SPATA13: variants seen among roughly 807,000 people sequenced by gnomAD.
SPATA13 encodes spermatogenesis-associated protein 13.
SPATA13 carries 50 observed loss-of-function variants against 104.0 expected under a neutral mutation model. The observed-to-expected ratio is 0.48, with a 90% CI of 0.38 to 0.61. The LOEUF is 0.61. Among genes scored for constraint, SPATA13 ranks in the 20% least tolerant of loss-of-function variants. The pLI is 0.00. For synonymous variants in SPATA13, 606 were observed against 667.5 expected, an observed-to-expected ratio of 0.91 and a Z score of 1.42; for missense variants, 1,524 against 1,690.6, an observed-to-expected ratio of 0.90 and a Z score of 1.73.
At chr13:24,113,843 C>T (rs904784286) in intron 3 of SPATA13, among the ~76,000 whole-genome samples, 1 of 131,630 alleles carries the variant, frequency 7.6e-6, no homozygotes, top group African/African-American at 3.0e-5. Flanking sequence ...ACACTCCAGT[C>T]TGGCGACAGA....
intron 2 of SPATA13, among the ~76,000 whole-genome samples, chr13:23,987,628 G>A (rs544254892): frequency 3.3e-5 from 5 of 152,236 alleles, no homozygotes; most frequent in Non-Finnish European, 5.9e-5. Context: ...TAAAAGCCCC[G>A]GATTTGAAAA....
chr13:24,065,076 T>C (rs1878903735), intron 3 of SPATA13, among the ~76,000 whole-genome samples: 1 of 152,220 alleles, frequency 6.6e-6, no homozygotes, highest in South Asian at 2.1e-4. Context: ...ACAACATTTA[T>C]AGTCTCAATG....
chr13:24,271,052 CTCTCTCACTCTCTCTCTT>C, intron 4 of SPATA13: 5 of 686,602 alleles, frequency 7.3e-6, no homozygotes, highest in South Asian at 1.6e-5. Context: ...CTCTCTCTCT[CTCTCTCACTCTCTCTCTT>C]TCTCTGCTGC....
At chr13:24,222,715 C>A in intron 1 of SPATA13, 104 bp from the exon 2 acceptor site, 1 of 973,188 alleles carries the variant, frequency 1.0e-6, no homozygotes, top group Non-Finnish European at 1.5e-6. Context: ...TTTGAAGTAG[C>A]TTTCATCTGA....
intron 3 of SPATA13, among the ~76,000 whole-genome samples, chr13:24,068,552 A>G (rs547122386): frequency 2.0e-5 from 3 of 152,220 alleles, no homozygotes; most frequent in Non-Finnish European, 4.4e-5. Flanking sequence ...AAGAATCACC[A>G]CACTGTCTTA....
intron 1 of SPATA13, among the ~76,000 whole-genome samples, chr13:24,202,274 C>CCTTTGAGCCATCCCATTACTGGGTATA (rs1555268730): frequency 6.6e-6 from 1 of 152,094 alleles, no homozygotes; most frequent in Non-Finnish European, 1.5e-5. Flanking sequence ...GAATCCTGGG[C>CCTTTGAGCCATCCCATTACTGGGTATA]TATGGAAGAG....
intron 3 of SPATA13, among the ~76,000 whole-genome samples, chr13:24,066,654 T>C (rs775959391): frequency 9.2e-5 from 14 of 152,298 alleles, no homozygotes; most frequent in African/African-American, 3.4e-4. Context: ...CCTGCCTTCA[T>C]GGGCCAGGAG....
At chr13:24,060,770 T>C (rs1045667869) in intron 3 of SPATA13, among the ~76,000 whole-genome samples, 2 of 152,124 alleles carry the variant, frequency 1.3e-5, no homozygotes, top group Non-Finnish European at 2.9e-5. Context: ...CCATTAAAAA[T>C]GGACAAATGC....
At chr13:24,098,807 G>A (rs1214703753) in intron 3 of SPATA13, among the ~76,000 whole-genome samples, 3 of 150,888 alleles carry the variant, frequency 2.0e-5, no homozygotes, top group Non-Finnish European at 3.0e-5. Context: ...CGTGCATGTA[G>A]TCCTAGCTAC....
chr13:24,278,877 C>CTTCT, intron 4 of SPATA13: 1 of 444,266 alleles, frequency 2.3e-6, no homozygotes, highest in Non-Finnish European at 2.9e-6. Context: ...TTTTTCTTTC[C>CTTCT]TTCCTTCCTT....
chr13:24,087,509 A>T (rs972197600), intron 3 of SPATA13, among the ~76,000 whole-genome samples: 4 of 152,242 alleles, frequency 2.6e-5, no homozygotes, highest in Non-Finnish European at 4.4e-5. Flanking sequence ...TGCAACGTTA[A>T]TAGAACCTAA....
intron 3 of SPATA13, among the ~76,000 whole-genome samples, chr13:24,114,750 C>T (rs1880779639): frequency 6.6e-6 from 1 of 152,156 alleles, no homozygotes. Context: ...ACAACTTCCA[C>T]CTCCCGGGTT....
rs565858739 is a variant in SPATA13, at chr13:24,223,312, G to C, written c.383G>C (p.Arg128Pro). ...TCAGTCCTGAAAGGAATTCAGAGCC[G>C]AGAGGGGTCAAATGCCTGTTCAAAG... ...KSSVLKGIQSREGSNACSKGE... is the reference protein window; with the variant it reads ...KSSVLKGIQSPEGSNACSKGE... Residue 128 changes from arginine (R) to proline (P), a missense_variant, in exon 2 of 13, where the codon CGA becomes CCA. This residue lies in a region of SPATA13 where 1,089 missense variants were observed against 1,135.9 expected (regional missense o/e 0.96). Coordinates refer to ENST00000382108, the MANE Select transcript of SPATA13 (RefSeq NM_001166271.3). The C allele has an allele frequency of 1.3e-6, 2 of 1,551,522 alleles. No homozygotes were observed. The highest frequency in any genetic ancestry group is 2.4e-5 in the South Asian group (2 of 84,068).
At chr13:24,281,251 C>G (rs1048546144) in intron 4 of SPATA13, among the ~76,000 whole-genome samples, 9 of 152,244 alleles carry the variant, frequency 5.9e-5, no homozygotes, top group Non-Finnish European at 1.3e-4. Context: ...CCCCCTCCAA[C>G]CCCGTCTCTT....
chr13:24,258,512 CA>C (rs879679347), intron 4 of SPATA13, among the ~76,000 whole-genome samples: 28 of 151,626 alleles, frequency 1.8e-4, no homozygotes, highest in African/African-American at 3.9e-4. Context: ...ACTAAAAATA[CA>C]AAAAAATTAG....
In SPATA13 at chr13:24,101,364, A is replaced by AT. The variant is rs112216173; in HGVS notation, c.-112+83671dup. The stretch of plus-strand genomic sequence containing the variant: ...AGCATTATGACCACTGTTGTACTTG[A>AT]TTTTTTTTCATGGTTTAATGCTAGC... On this transcript the variant is annotated intron_variant, in intron 3 of 14. Coordinates refer to the SPATA13 transcript ENST00000424834. Among the ~76,000 whole-genome samples, 1,358 of 151,982 alleles carry AT rather than the reference A, an allele frequency of 8.9e-3. 35 individuals are homozygous for AT. Among genetic ancestry groups the AT allele is most frequent in the African/African-American group, 0.031 (1,278 of 41,436 alleles).
At chr13:24,024,941 TA>T (rs1877142350) in intron 3 of SPATA13, among the ~76,000 whole-genome samples, 1 of 32,162 alleles carries the variant, frequency 3.1e-5, no homozygotes, top group Non-Finnish European at 7.5e-5. Context: ...TTCATATATA[TA>T]TAAATATATA....
chr13:24,226,449 A>G (rs1484594141), intron 2 of SPATA13, among the ~76,000 whole-genome samples: 1 of 152,236 alleles, frequency 6.6e-6, no homozygotes, highest in Admixed American at 6.5e-5. Context: ...TCATTAATTG[A>G]CTAAGCTAAT....
In SPATA13 at chr13:24,286,263, T is replaced by A; in HGVS notation, c.2351T>A (p.Val784Glu). The change falls in exon 6 of 13, where the codon GTG becomes GAG. Residue 784 changes from valine to glutamate, a missense_variant. Physicochemically the swap from Val to Glu is moderately radical, Grantham distance 121. Around this residue, in one of 2 missense-constraint regions of SPATA13, gnomAD observed 1,089 missense variants for 1,135.9 expected, o/e 0.96. Transcript: ENST00000382108. The surrounding 1 kb of genome is among the most constrained non-coding windows in gnomAD (Gnocchi z 4.9). ...TGCGCAGAAGCCCTGTGGGACCATG[T>A]GACCATGGATGACCAGGAACTGGGC... ...VVCAEALWDH[V>E]TMDDQELGFK... is the part of the protein sequence containing the mutation. 1 of 1,614,054 alleles carries A rather than the reference T, an allele frequency of 6.2e-7. No individual in the cohort carries two copies. The highest frequency in any genetic ancestry group is 8.5e-7 in the Non-Finnish European group (1 of 1,180,024).
Sources: allele counts gnomAD v4.1 joint callset (sites outside exome capture counted in the v4.1 genomes callset), GRCh38; gene constraint gnomAD v4.1.1; regional missense constraint gnomAD v4.1.1; non-coding constraint Gnocchi (gnomAD v3.1); transcripts MANE v1.5; gene names NCBI Gene and HGNC (gene_info 2026-07-23, HGNC 2026-07-21).